Variants in NAV2 observed in about 807,000 individuals in gnomAD.
The protein encoded by NAV2 is helicase, APC down-regulated 1.
NAV2 carries 54 observed loss-of-function variants against 223.2 expected under a neutral mutation model. That is an observed-to-expected ratio of 0.24 (90% CI 0.19 to 0.30). NAV2 has a LOEUF of 0.30. Among genes scored for constraint, NAV2 ranks in the 10% least tolerant of loss-of-function variants. NAV2 has a pLI of 1.00. For synonymous variants in NAV2, 1,279 were observed against 1,239.3 expected (o/e 1.03, Z -0.67); for missense variants, 2,806 against 3,147.5 (o/e 0.89, Z 2.60).
At chr11:20,071,834 C>G (rs1174175450) in intron 22 of NAV2, among the ~76,000 whole-genome samples, 10 of 152,044 alleles carry the variant, frequency 6.6e-5, no homozygotes, top group Admixed American at 6.5e-4. Context: ...TGTTTAAGTT[C>G]TGGATATTAG....
At position 19,490,906 on chromosome 11, in the gene NAV2, TGG is replaced by T. The variant is rs2042603451; in HGVS notation, c.75+139881_75+139882del. Among the ~76,000 whole-genome samples the T allele has an allele frequency of 2.6e-5, 4 of 152,322 alleles. 1 individual carries two copies. The South Asian group carries it at 8.3e-4, about 32-fold the overall frequency. The stretch of plus-strand genomic sequence containing the variant: ...AAAGTTGTAATTATTCCTTGATCCC[TGG>T]GTAGCAGAATGGATGCTATGTTAAC... On this transcript the variant is annotated intron_variant, in intron 1 of 37. Coordinates refer to the NAV2 transcript ENST00000360655.
intron 1 of NAV2, among the ~76,000 whole-genome samples, chr11:19,418,112 T>G (rs2729921): frequency 0.87 from 132,161 of 152,186 alleles, 58,019 homozygotes; most frequent in East Asian, 0.94. Context: ...AGAACTCAAA[T>G]TATGAAAAAC....
In NAV2 at chr11:19,998,876, GTTAA is replaced by G. The variant is rs568914912; in HGVS notation, c.2768+14632_2768+14635del. 6.6e-3 allele frequency among the ~76,000 whole-genome samples: 1,001 copies of G among 152,288 alleles called. 8 individuals are homozygous for G. Among genetic ancestry groups the G allele is most frequent in the African/African-American group, 0.023 (954 of 41,546 alleles). ...TTTGACATCTCTTACTTTCATGTGT[GTTAA>G]TTTTTATTTATTTGCCTGTTATGTC... On this transcript the variant is annotated intron_variant, in intron 11 of 37. Coordinates refer to ENST00000349880, the MANE Select transcript of NAV2 (RefSeq NM_145117.5). This position sits in a 1 kb window ranked among gnomAD's most constrained non-coding sequence, Gnocchi z 5.0.
chr11:19,563,073 C>A (rs2045154035), intron 1 of NAV2, among the ~76,000 whole-genome samples: 1 of 152,190 alleles, frequency 6.6e-6, no homozygotes, highest in African/African-American at 2.4e-5. Flanking sequence ...CACTGGATAG[C>A]TCAGTTTGAT....
At chr11:19,504,464 A>T (rs2134176961) in intron 1 of NAV2, 1 of 152,274 alleles carries the variant, frequency 6.6e-6, no homozygotes, top group African/African-American at 2.4e-5. Flanking sequence ...GTTATGTAAA[A>T]ATGTAATGCG....
chr11:19,559,900 C>G (rs558868277), intron 1 of NAV2, among the ~76,000 whole-genome samples: 36 of 152,296 alleles, frequency 2.4e-4, no homozygotes, highest in Admixed American at 1.1e-3. Context: ...CCCTTCTCCC[C>G]CTGGGGGCGG....
At position 19,869,135 on chromosome 11, in the gene NAV2, G is replaced by T. The variant is rs529793815; in HGVS notation, c.511+138G>T. The T allele has an allele frequency of 5.0e-4, 396 of 797,096 alleles. 3 individuals carry two copies. The South Asian group carries it at 6.7e-3, about 13-fold the overall frequency. 49.4% of individuals were successfully genotyped at this position (797,096 alleles called of 1,614,324 possible). A position where few individuals can be genotyped will look rare whatever the true frequency, so the allele number is the denominator to read the frequency against. Reference sequence around the variant, plus strand: ...GTTTTGTTTTCCTTTATGTTGCTCAGTGGTTGCCTAGACTTGAGGATGCCA... The same window carrying T: ...GTTTTGTTTTCCTTTATGTTGCTCATTGGTTGCCTAGACTTGAGGATGCCA... On this transcript the variant is annotated intron_variant, in intron 4 of 37. Transcript: ENST00000349880.
intron 1 of NAV2, among the ~76,000 whole-genome samples, chr11:19,791,922 G>A (rs1244970521): frequency 6.6e-6 from 1 of 152,130 alleles, no homozygotes; most frequent in Non-Finnish European, 1.5e-5. Flanking sequence ...TGTGAGCATA[G>A]GTGCTAACAG....
intron 1 of NAV2, among the ~76,000 whole-genome samples, chr11:19,572,144 T>A (rs976798160): frequency 6.6e-6 from 1 of 152,222 alleles, no homozygotes; most frequent in Non-Finnish European, 1.5e-5. Context: ...TATGGCCTGC[T>A]CCTCCCACTG....
intron 1 of NAV2, among the ~76,000 whole-genome samples, chr11:19,497,074 C>A (rs2042819685): frequency 6.6e-6 from 1 of 152,192 alleles, no homozygotes; most frequent in Non-Finnish European, 1.5e-5. Flanking sequence ...AGATAGTACC[C>A]ATCCCAGCAG....
At chr11:19,378,983 T>G (rs1044632396) in intron 1 of NAV2, among the ~76,000 whole-genome samples, 10 of 152,310 alleles carry the variant, frequency 6.6e-5, no homozygotes, top group African/African-American at 2.4e-4. Context: ...CGTCCCTCAC[T>G]CCCTGTGTGG....
chr11:19,599,497 G>T (rs2046298634), intron 1 of NAV2, among the ~76,000 whole-genome samples: 1 of 152,212 alleles, frequency 6.6e-6, no homozygotes, highest in Admixed American at 6.5e-5. Flanking sequence ...GTTCTTTGAA[G>T]GTACAAAGGG....
chr11:19,565,478 G>T (rs1347949590), intron 1 of NAV2, among the ~76,000 whole-genome samples: 1 of 152,142 alleles, frequency 6.6e-6, no homozygotes, highest in African/African-American at 2.4e-5. Flanking sequence ...GTAATTAGCA[G>T]TCTTGAAAAC....
intron 10 of NAV2, chr11:19,979,179 G>T (rs753552472): frequency 1.6e-4 from 25 of 152,156 alleles, no homozygotes; most frequent in Non-Finnish European, 2.2e-4. Context: ...ACTAGGAAAT[G>T]GTGTGTTCTG....
upstream of NAV2, among the ~76,000 whole-genome samples, chr11:19,708,734 A>C (rs368952936): frequency 4.6e-5 from 7 of 152,292 alleles, no homozygotes; most frequent in Admixed American, 1.3e-4. Flanking sequence ...AGGATGATTC[A>C]GTGGACCTGA....
chr11:19,516,554 T>C lies in NAV2; in HGVS notation c.75+165527T>C, dbSNP rs185568556. Among the ~76,000 whole-genome samples, 52 of 152,376 alleles carry C rather than the reference T, an allele frequency of 3.4e-4. 1 individual carries two copies. Among genetic ancestry groups the C allele is most frequent in the Admixed American group, 6.5e-4 (10 of 15,308 alleles). ...TCTTTGTTACAAGCAAAATGAGCCATGTCTACTTTCCCTGTTTTGTTTTCC... is the reference window on the plus strand; with the variant it reads ...TCTTTGTTACAAGCAAAATGAGCCACGTCTACTTTCCCTGTTTTGTTTTCC... On this transcript the variant is annotated intron_variant, in intron 1 of 37. Transcript: ENST00000360655.
intron 1 of NAV2, among the ~76,000 whole-genome samples, chr11:19,421,847 G>A (rs1002672916): frequency 1.5e-5 from 2 of 134,918 alleles, no homozygotes; most frequent in Non-Finnish European, 3.1e-5. Flanking sequence ...ACAAATGAAG[G>A]AGCAGAGCCC....
chr11:20,039,863 G>C (rs2056750407), intron 12 of NAV2, among the ~76,000 whole-genome samples: 1 of 152,224 alleles, frequency 6.6e-6, no homozygotes, highest in Non-Finnish European at 1.5e-5. Flanking sequence ...TATGTGGCAA[G>C]GATTCCTGTC....
At chr11:19,945,881 G>A (rs1330212481) in intron 8 of NAV2, among the ~76,000 whole-genome samples, 1 of 152,204 alleles carries the variant, frequency 6.6e-6, no homozygotes, top group East Asian at 1.9e-4. Flanking sequence ...TGAATTTGAG[G>A]TGACATAATA....
Sources: allele counts gnomAD v4.1 joint callset (sites outside exome capture counted in the v4.1 genomes callset), GRCh38; gene constraint gnomAD v4.1.1; non-coding constraint Gnocchi (gnomAD v3.1); transcripts MANE v1.5; gene names NCBI Gene and HGNC (gene_info 2026-07-23, HGNC 2026-07-21).